SLC45A2: variants seen among roughly 807,000 people sequenced by gnomAD.
SLC45A2 encodes the protein membrane-associated transporter protein.
Under a neutral mutation model 45.5 loss-of-function variants are expected in SLC45A2, and 36 were observed. The observed-to-expected ratio is 0.79, with a 90% confidence interval of 0.61 to 1.04. SLC45A2 has a LOEUF of 1.04. Ranked by LOEUF, SLC45A2 falls within the 50% of genes least tolerant of loss-of-function variation. SLC45A2 has a pLI of 0.00. For synonymous variants in SLC45A2, 306 were observed against 269.3 expected, an observed-to-expected ratio of 1.14 and a Z score of -1.33; for missense variants, 719 against 671.0, an observed-to-expected ratio of 1.07 and a Z score of -0.79.
chr5:33,968,444 T>C lies in SLC45A2; in HGVS notation c.563-4428A>G, dbSNP rs373833712. 3.7e-4 allele frequency among the ~76,000 whole-genome samples: 56 copies of C among 152,260 alleles called. No individual in the cohort carries two copies. In the South Asian group the frequency reaches 8.7e-3, roughly 24 times the overall value. On this transcript the variant is annotated intron_variant, in intron 2 of 6. Transcript: ENST00000296589. ...GGAGGACATCTGCTGCCACATTAGA[T>C]AACAAGCTTTTACAAAGAAGGGCCA... is the stretch of plus-strand genomic sequence containing the variant.
chr5:33,982,822 T>C (rs1309063894), intron 1 of SLC45A2, among the ~76,000 whole-genome samples: 1 of 152,252 alleles, frequency 6.6e-6, no homozygotes. Context: ...TAAAAAAGTA[T>C]GCATGCTTAT....
chr5:33,973,109 A>G (rs1752832725), intron 2 of SLC45A2, among the ~76,000 whole-genome samples: 1 of 152,158 alleles, frequency 6.6e-6, no homozygotes, highest in African/African-American at 2.4e-5. Flanking sequence ...CGATCAGAGT[A>G]ACAAAGCAAG....
intron 5 of SLC45A2, among the ~76,000 whole-genome samples, chr5:33,949,462 G>T (rs1561355608): frequency 6.6e-6 from 1 of 152,164 alleles, no homozygotes; most frequent in African/African-American, 2.4e-5. Context: ...AAAAGCAGTG[G>T]CAAATACCCA....
chr5:33,984,260 G>A lies in SLC45A2; in HGVS notation c.324C>T (p.Thr108=). The A allele has an allele frequency of 6.2e-7, 1 of 1,614,160 alleles. No homozygotes were observed. The highest frequency in any genetic ancestry group is 8.5e-7 in the Non-Finnish European group (1 of 1,180,024). The part of the protein sequence containing the change: ...RWGRRRPYIL[T]LGVMMLVGMA... ...TGCCCACGAGCATCATGACTCCCAG[G>A]GTGAGGATGTAGGGTCTCCGGCGGC... Residue 108 remains threonine (T), a synonymous_variant, in exon 1 of 7, where the codon ACC becomes ACT. Transcript: ENST00000296589.
At position 33,984,272 on chromosome 5, in the gene SLC45A2, G is replaced by C. The variant is rs774358841; in HGVS notation, c.312C>G (p.Pro104=). ...TCATGACTCCCAGGGTGAGGATGTA[G>C]GGTCTCCGGCGGCCCCACCTGGACC... The part of the protein sequence containing the change: ...HCRSRWGRRR[P]YILTLGVMML... Residue 104 remains proline (P), a synonymous_variant, in exon 1 of 7, where the codon CCC becomes CCG. Transcript: ENST00000296589. 3 of 1,614,062 alleles carry C rather than the reference G, an allele frequency of 1.9e-6. No homozygotes were observed. The highest frequency in any genetic ancestry group is 2.2e-5 in the East Asian group (1 of 44,894).
Position 33,963,698 on chromosome 5 carries a change from G to T in SLC45A2, c.881C>A (p.Ala294Asp). The T allele has an allele frequency of 6.2e-7, 1 of 1,613,792 alleles. No individual in the cohort carries two copies. The highest frequency in any genetic ancestry group is 8.5e-7 in the Non-Finnish European group (1 of 1,179,930). Reference protein sequence around the residue: ...AMQGAKNKNHAEQTRRAMTLK... With the variant: ...AMQGAKNKNHDEQTRRAMTLK... The stretch of plus-strand genomic sequence containing the variant: ...AAAATGTTGCATCTTTACCTGTTCA[G>T]CATGATTTTTGTTTTTTGCTCCCTG... The change falls in exon 3 of 7, where the codon GCT becomes GAT. Residue 294 changes from alanine (A) to aspartate (D), a missense_variant. Transcript: ENST00000296589.
intron 2 of SLC45A2, chr5:33,971,107 T>C (rs554497142): frequency 3.8e-6 from 2 of 525,260 alleles, no homozygotes; most frequent in South Asian, 2.8e-5. Context: ...GTGTTGGGAG[T>C]TGTCGTCGAC....
At chr5:33,945,544 T>G (rs1452067055) in intron 6 of SLC45A2, among the ~76,000 whole-genome samples, 1 of 130,932 alleles carries the variant, frequency 7.6e-6, no homozygotes. Context: ...GGGCCTGGGT[T>G]TTTTTTTTAC....
At position 33,963,917 on chromosome 5, in the gene SLC45A2, A is replaced by G. The variant is rs1752524746; in HGVS notation, c.662T>C (p.Phe221Ser). The G allele has an allele frequency of 9.3e-6, 15 of 1,614,186 alleles. No individual in the cohort carries two copies. Among genetic ancestry groups the G allele is most frequent in the Non-Finnish European group, 1.3e-5 (15 of 1,180,008 alleles). ...LGTEFQVMFF[F>S]SALVLTLCFT... The stretch of plus-strand genomic sequence containing the variant: ...ACACAAAGTGAGCACCAATGCAGAG[A>G]AGAAGAACATGACCTGGAATTCTGT... The change falls in exon 3 of 7, where the codon TTC (phenylalanine) becomes TCC (serine). Residue 221 changes from phenylalanine (F) to serine (S), a missense_variant. Phe to Ser is a radical substitution (Grantham distance 155). Coordinates refer to ENST00000296589, the MANE Select transcript of SLC45A2 (RefSeq NM_016180.5).
At position 33,951,667 on chromosome 5, in the gene SLC45A2, C is replaced by G. The variant is rs554113064; in HGVS notation, c.1043G>C (p.Arg348Pro). 1.3e-5 allele frequency: 21 copies of G among 1,614,122 alleles called. No individual in the cohort carries two copies. In the African/African-American group the frequency reaches 2.5e-4, roughly 19 times the overall value. Residue 348 changes from arginine to proline, a missense_variant, in exon 5 of 7, where the codon CGC (arginine) becomes CCC (proline). Arg to Pro is a moderately radical substitution (Grantham distance 103). Transcript: ENST00000296589. ...FTDFMGQIVY[R>P]GDPYSAHNST... is the part of the protein sequence containing the mutation. ...GTTGTGTGCACTATAGGGATCCCCG[C>G]GGTACACAATCTGAAAGAGAGATTG...
At position 33,982,376 on chromosome 5, in the gene SLC45A2, G is replaced by A; in HGVS notation, c.422C>T (p.Ala141Val). 1 of 1,614,114 alleles carries A rather than the reference G, an allele frequency of 6.2e-7. No individual in the cohort carries two copies. Among genetic ancestry groups the A allele is most frequent in the East Asian group, 2.2e-5 (1 of 44,880 alleles). Reference sequence around the variant, plus strand: ...GACACCTATCATGGTGACACTTATGGCCCAAACCAGCTTCCTCCTTGGGTT... The same window carrying A: ...GACACCTATCATGGTGACACTTATGACCCAAACCAGCTTCCTCCTTGGGTT... ...IANPRRKLVW[A>V]ISVTMIGVVL... Residue 141 changes from alanine (A) to valine (V), a missense_variant, in exon 2 of 7, where the codon GCC becomes GTC. By Grantham distance (64) the Ala-to-Val change is moderately conservative. Coordinates refer to ENST00000296589, the MANE Select transcript of SLC45A2 (RefSeq NM_016180.5).
chr5:33,968,187 T>C (rs949443423), intron 2 of SLC45A2, among the ~76,000 whole-genome samples: 1 of 152,160 alleles, frequency 6.6e-6, no homozygotes, highest in East Asian at 1.9e-4. Context: ...GCTGCAGGAA[T>C]TCATTAAAGG....
intron 6 of SLC45A2, chr5:33,946,649 C>A (rs890275208): frequency 9.9e-7 from 1 of 1,014,396 alleles, no homozygotes; most frequent in Non-Finnish European, 1.2e-6. Context: ...CCTTCTCACA[C>A]ATGGGGTCTG....
Position 33,961,288 on chromosome 5 carries a change from C to T in SLC45A2, c.888+2403G>A, listed in dbSNP as rs1325870484. Among the ~76,000 whole-genome samples the T allele has an allele frequency of 3.9e-5, 6 of 152,174 alleles. No individual in the cohort carries two copies. The South Asian group carries it at 1.2e-3, about 32-fold the overall frequency. ...AAGCTAACATCAAGGAGTCCTTTGC[C>T]CCACTAGTTTTGATGGACCTCCATC... On this transcript the variant is annotated intron_variant, in intron 3 of 6. Coordinates refer to ENST00000296589, the MANE Select transcript of SLC45A2 (RefSeq NM_016180.5).
chr5:33,962,418 T>C (rs1752480186), intron 3 of SLC45A2, among the ~76,000 whole-genome samples: 1 of 152,260 alleles, frequency 6.6e-6, no homozygotes, highest in African/African-American at 2.4e-5. Flanking sequence ...CTAATAATCC[T>C]AGAAAATAGA....
At chr5:33,979,630 C>A (rs888349296) in intron 2 of SLC45A2, among the ~76,000 whole-genome samples, 2 of 152,084 alleles carry the variant, frequency 1.3e-5, no homozygotes, top group Non-Finnish European at 2.9e-5. Flanking sequence ...TCTTTCAGGG[C>A]CTGCTATGTT....
At chr5:33,947,511 A>C in intron 5 of SLC45A2, 137 bp from the exon 6 acceptor site, 1 of 860,370 alleles carries the variant, frequency 1.2e-6, no homozygotes, top group Non-Finnish European at 1.9e-6. Context: ...GAATCCCCTT[A>C]TCTGTGGGTT....
rs146434415 is a variant in SLC45A2 at position 33,969,606 on chromosome 5, G to A, written c.563-5590C>T. ...AGAGTTCCGAAAGCCCTTAGGCTGC[G>A]AAGGCATCGAGAGTAGATTCATTAG... On this transcript the variant is annotated intron_variant, in intron 2 of 6. Coordinates refer to ENST00000296589, the MANE Select transcript of SLC45A2 (RefSeq NM_016180.5). 3.9e-5 allele frequency among the ~76,000 whole-genome samples: 6 copies of A among 152,280 alleles called. No homozygotes were observed. The East Asian group carries it at 7.7e-4, about 20-fold the overall frequency.
At chr5:33,951,404 C>G in intron 5 of SLC45A2, 150 bp downstream of exon 5, 1 of 1,569,018 alleles carries the variant, frequency 6.4e-7, no homozygotes, top group African/African-American at 1.4e-5. Flanking sequence ...TTATATGGTC[C>G]TTTTTAAGGT....
Sources: allele counts gnomAD v4.1 joint callset (sites outside exome capture counted in the v4.1 genomes callset), GRCh38; gene constraint gnomAD v4.1.1; transcripts MANE v1.5; gene names NCBI Gene and HGNC (gene_info 2026-07-23, HGNC 2026-07-21).